The following PRKCZ variants were observed in gnomAD, a reference collection of about 807,000 sequenced individuals.
PRKCZ encodes protein kinase C zeta.
Under a neutral mutation model 79.5 loss-of-function variants are expected in PRKCZ, and 33 were observed. The observed-to-expected ratio is 0.41, with a 90% CI of 0.31 to 0.55. The LOEUF (loss-of-function observed/expected upper bound fraction) is 0.55, where lower values mean the gene tolerates loss of function less well. Ranked by LOEUF, PRKCZ falls within the 20% of genes least tolerant of loss-of-function variation. The pLI, the probability that PRKCZ is intolerant of heterozygous loss-of-function variation, is 0.19. For synonymous variants in PRKCZ, 342 were observed against 320.9 expected, an observed-to-expected ratio of 1.07 and a Z score of -0.70; for missense variants, 578 against 813.5, an observed-to-expected ratio of 0.71 and a Z score of 3.52.
chr1:2,067,314 G>A (rs1281835525), intron 4 of PRKCZ, among the ~76,000 whole-genome samples: 1 of 152,190 alleles, frequency 6.6e-6, no homozygotes, highest in African/African-American at 2.4e-5. Context: ...GTTTCTTTAC[G>A]TGTTCTCCCT....
In PRKCZ at chr1:2,147,864, C is replaced by T. The variant is rs1571819977; in HGVS notation, c.635-1008C>T. On this transcript the variant is annotated intron_variant, in intron 7 of 17. Transcript: ENST00000378567. ...GTCCATCTATCTGTTGTCCACTGAC[C>T]TGTCCACCCATCTGTCTGTAGTCCA... Among the ~76,000 whole-genome samples, 5 of 152,148 alleles carry T rather than the reference C, an allele frequency of 3.3e-5. No homozygotes were observed. The South Asian group carries it at 1.0e-3, about 32-fold the overall frequency.
At chr1:2,139,764 C>G (rs1676949509) in intron 5 of PRKCZ, among the ~76,000 whole-genome samples, 1 of 152,206 alleles carries the variant, frequency 6.6e-6, no homozygotes, top group Non-Finnish European at 1.5e-5. Flanking sequence ...AATCACCCGT[C>G]ATTCGGAGGT....
chr1:2,120,282 C>T (rs1247934576), intron 4 of PRKCZ, among the ~76,000 whole-genome samples: 1 of 124,390 alleles, frequency 8.0e-6, no homozygotes, highest in Non-Finnish European at 1.7e-5. Context: ...AATATCAGCC[C>T]TTGACTTTTC....
chr1:2,113,452 G>A (rs1277941171), intron 4 of PRKCZ, among the ~76,000 whole-genome samples: 1 of 152,142 alleles, frequency 6.6e-6, no homozygotes, highest in African/African-American at 2.4e-5. Flanking sequence ...CCTGACCCAG[G>A]GCAGGTGGAA....
At chr1:2,169,460 C>T (rs138662331) in intron 10 of PRKCZ, 58 bp from the exon 11 acceptor site, 34 of 1,472,418 alleles carry the variant, frequency 2.3e-5, no homozygotes, top group Non-Finnish European at 3.1e-5. Flanking sequence ...GGGCTTCTGT[C>T]TAAGGAGGCC....
intron 4 of PRKCZ, among the ~76,000 whole-genome samples, chr1:2,106,481 C>T (rs1668462655): frequency 8.4e-6 from 1 of 118,968 alleles, no homozygotes; most frequent in Non-Finnish European, 1.8e-5. Flanking sequence ...TGGGCGAGGA[C>T]CTCCACACGT....
At chr1:2,121,470 C>T (rs77717380) in intron 4 of PRKCZ, among the ~76,000 whole-genome samples, 1,404 of 47,968 alleles carry the variant, frequency 0.029, 23 homozygotes, top group East Asian at 0.19. Flanking sequence ...AGAGTCATGG[C>T]GGTAGTTAGT....
chr1:2,155,332 T>G (rs1680769178), intron 9 of PRKCZ, among the ~76,000 whole-genome samples: 3 of 151,460 alleles, frequency 2.0e-5, no homozygotes. Flanking sequence ...ATGATGGTAG[T>G]GGTGATGACA....
chr1:2,052,011 C>T (rs920273619), intron 1 of PRKCZ, among the ~76,000 whole-genome samples: 3 of 152,140 alleles, frequency 2.0e-5, no homozygotes, highest in Non-Finnish European at 1.5e-5. Context: ...TGTCTTTTGG[C>T]CTGGAGGTCA....
chr1:2,144,522 A>G, intron 6 of PRKCZ, 181 bp downstream of exon 6: 3 of 1,419,544 alleles, frequency 2.1e-6, no homozygotes, highest in Non-Finnish European at 2.8e-6. Context: ...CATCTTCCTG[A>G]GCCCCCACAA....
intron 4 of PRKCZ, among the ~76,000 whole-genome samples, chr1:2,109,689 G>A (rs920566918): frequency 1.3e-5 from 2 of 152,204 alleles, no homozygotes; most frequent in African/African-American, 4.8e-5. Context: ...CCGGAAGGCG[G>A]TGCTAGGTCC....
chr1:2,131,052 A>G (rs1361033151), intron 4 of PRKCZ, among the ~76,000 whole-genome samples: 2 of 152,116 alleles, frequency 1.3e-5, no homozygotes, highest in Non-Finnish European at 2.9e-5. Flanking sequence ...ATGGGCTCGG[A>G]CCTTCCAGCT....
At chr1:2,055,304 G>A in intron 1 of PRKCZ, 137 bp from the exon 2 acceptor site, 3 of 1,062,976 alleles carry the variant, frequency 2.8e-6, no homozygotes, top group Non-Finnish European at 3.9e-6. Context: ...TGGGAGGGGG[G>A]AGGGGGTGGG....
At chr1:2,062,094 G>A (rs1049909710) in intron 4 of PRKCZ, among the ~76,000 whole-genome samples, 4 of 152,138 alleles carry the variant, frequency 2.6e-5, no homozygotes, top group Non-Finnish European at 5.9e-5. Flanking sequence ...CTGTCTCACC[G>A]TCAGCAGAGG....
intron 1 of PRKCZ, among the ~76,000 whole-genome samples, chr1:2,051,388 G>A (rs1311435023): frequency 6.6e-6 from 1 of 152,202 alleles, no homozygotes; most frequent in Non-Finnish European, 1.5e-5. Flanking sequence ...CCAGGTGGCC[G>A]GGCTCACAGG....
At chr1:2,107,818 A>G (rs960294036) in intron 4 of PRKCZ, among the ~76,000 whole-genome samples, 1 of 149,118 alleles carries the variant, frequency 6.7e-6, no homozygotes, top group African/African-American at 2.5e-5. Context: ...GGAGCCCCCA[A>G]CACCCCAACA....
At chr1:2,095,669 C>T (rs895918384) in intron 4 of PRKCZ, among the ~76,000 whole-genome samples, 3 of 151,904 alleles carry the variant, frequency 2.0e-5, no homozygotes, top group Non-Finnish European at 2.9e-5. Context: ...GGCTCACGTC[C>T]GTGTGCTTGT....
intron 10 of PRKCZ, among the ~76,000 whole-genome samples, chr1:2,158,271 G>A (rs971382115): frequency 1.3e-5 from 2 of 152,330 alleles, no homozygotes; most frequent in East Asian, 3.9e-4. Context: ...CCATATTTGA[G>A]AAACACAGAT....
intron 16 of PRKCZ, chr1:2,183,653 G>A (rs1687081389): frequency 6.5e-6 from 1 of 153,106 alleles, no homozygotes; most frequent in Non-Finnish European, 1.5e-5. Flanking sequence ...GGTGCCAGCA[G>A]GCTTGGTGTC....
Sources: allele counts gnomAD v4.1 joint callset (sites outside exome capture counted in the v4.1 genomes callset), GRCh38; gene constraint gnomAD v4.1.1; transcripts MANE v1.5; gene names NCBI Gene and HGNC (gene_info 2026-07-23, HGNC 2026-07-21).